Variants in ZNF804A observed in about 807,000 individuals in gnomAD.
ZNF804A encodes zinc finger protein 804A.
In ZNF804A, 2 loss-of-function variants were observed where a neutral mutation model predicts 16.5. The ratio of observed to expected loss-of-function variants is 0.12; its 90% CI spans 0.05 to 0.38. The LOEUF is 0.38. Among genes scored for constraint, ZNF804A ranks in the 10% least tolerant of loss-of-function variants. The pLI is 0.99. For synonymous variants in ZNF804A, 534 were observed against 489.6 expected, an observed-to-expected ratio of 1.09 and a Z score of -1.20; for missense variants, 1,473 against 1,390.7, an observed-to-expected ratio of 1.06 and a Z score of -0.94.
At position 184,746,511 on chromosome 2, in the gene ZNF804A, A is replaced by C. The variant is rs77539306; in HGVS notation, c.112-119858A>C. 1.3e-4 allele frequency among the ~76,000 whole-genome samples: 20 copies of C among 151,622 alleles called. No homozygotes were observed. In the East Asian group the frequency reaches 3.7e-3, roughly 28 times the overall value. ...ATAATATCAGGGTGAATGGGGTATA[A>C]ATCACTTCAAACAATTATCATTTAT... is the stretch of plus-strand genomic sequence containing the variant. On this transcript the variant is annotated intron_variant, in intron 1 of 3. Transcript: ENST00000302277.
At chr2:184,661,266 CAGCTCTTTTTCTGCTATAGTTCAACG>C (rs1393894408) in intron 1 of ZNF804A, among the ~76,000 whole-genome samples, 1 of 152,080 alleles carries the variant, frequency 6.6e-6, no homozygotes, top group Non-Finnish European at 1.5e-5. Flanking sequence ...AGGAGTGTCA[CAGCTCTTTTTCTGCTATAGTTCAACG>C]AGTAGGAAGG....
chr2:184,604,354 T>C (rs2105666615), intron 1 of ZNF804A, among the ~76,000 whole-genome samples: 1 of 151,866 alleles, frequency 6.6e-6, no homozygotes, highest in East Asian at 1.9e-4. Context: ...TTTGTATTTT[T>C]AGTAGAGACG....
intron 2 of ZNF804A, among the ~76,000 whole-genome samples, chr2:184,925,813 G>A (rs1201293462): frequency 6.6e-6 from 1 of 151,854 alleles, no homozygotes; most frequent in Non-Finnish European, 1.5e-5. Context: ...ACAAACGTGA[G>A]CAAACAAGCA....
intron 1 of ZNF804A, among the ~76,000 whole-genome samples, chr2:184,605,750 C>T (rs775964221): frequency 1.4e-4 from 22 of 152,040 alleles, no homozygotes; most frequent in South Asian, 8.3e-4. Context: ...GATATATATC[C>T]TAGGGGGATC....
chr2:184,837,188 G>A (rs760808727), intron 1 of ZNF804A, among the ~76,000 whole-genome samples: 14 of 151,744 alleles, frequency 9.2e-5, no homozygotes, highest in Non-Finnish European at 1.5e-4. Context: ...TATCTTACTA[G>A]GTCTTATGTT....
At chr2:184,666,350 T>C (rs1300661208) in intron 1 of ZNF804A, among the ~76,000 whole-genome samples, 1 of 152,068 alleles carries the variant, frequency 6.6e-6, no homozygotes, top group African/African-American at 2.4e-5. Flanking sequence ...TCAAAGCCTA[T>C]GCAGAAAAAC....
chr2:184,833,155 A>G (rs187197633), intron 1 of ZNF804A, among the ~76,000 whole-genome samples: 60 of 152,150 alleles, frequency 3.9e-4, no homozygotes, highest in African/African-American at 1.4e-3. Flanking sequence ...TATCTCAGCA[A>G]TGGGATTAAG....
intron 1 of ZNF804A, among the ~76,000 whole-genome samples, chr2:184,652,121 T>C (rs1691993964): frequency 6.6e-6 from 1 of 152,094 alleles, no homozygotes; most frequent in South Asian, 2.1e-4. Flanking sequence ...AAGAACAAAA[T>C]CAAGTTTTTT....
At chr2:184,835,174 T>TC (rs1285356995) in intron 1 of ZNF804A, among the ~76,000 whole-genome samples, 1 of 151,952 alleles carries the variant, frequency 6.6e-6, no homozygotes, top group Non-Finnish European at 1.5e-5. Context: ...GGTTCTGAAC[T>TC]CCCCCCAGGA....
intron 1 of ZNF804A, among the ~76,000 whole-genome samples, chr2:184,709,550 A>G (rs1693089673): frequency 6.6e-6 from 1 of 151,834 alleles, no homozygotes; most frequent in African/African-American, 2.4e-5. Context: ...TATTTGAAAT[A>G]TTTAAAAGTG....
At chr2:184,922,389 T>G (rs1214961687) in intron 2 of ZNF804A, among the ~76,000 whole-genome samples, 6 of 152,090 alleles carry the variant, frequency 3.9e-5, no homozygotes, top group Non-Finnish European at 8.8e-5. Context: ...GTTTGTCATT[T>G]TTATGTCTTT....
intron 1 of ZNF804A, among the ~76,000 whole-genome samples, chr2:184,606,904 TA>T (rs1336444154): frequency 6.6e-6 from 1 of 152,136 alleles, no homozygotes; most frequent in African/African-American, 2.4e-5. Context: ...TGGAGACCCT[TA>T]ACTGATACAG....
At chr2:184,859,926 A>G (rs1695770028) in intron 1 of ZNF804A, among the ~76,000 whole-genome samples, 1 of 152,182 alleles carries the variant, frequency 6.6e-6, no homozygotes, top group Non-Finnish European at 1.5e-5. Flanking sequence ...GGGGTGGGCC[A>G]TGAGCCTGAG....
At chr2:184,850,463 A>G (rs937103899) in intron 1 of ZNF804A, among the ~76,000 whole-genome samples, 1 of 151,912 alleles carries the variant, frequency 6.6e-6, no homozygotes, top group African/African-American at 2.4e-5. Flanking sequence ...GGAAGTATAG[A>G]TTATGGATTT....
chr2:184,753,170 T>C (rs893822645), intron 1 of ZNF804A, among the ~76,000 whole-genome samples: 2 of 151,690 alleles, frequency 1.3e-5, no homozygotes, highest in African/African-American at 4.8e-5. Flanking sequence ...ATTTGCCTTA[T>C]AGTTTCACAC....
chr2:184,747,936 A>G (rs1217437165), intron 1 of ZNF804A, among the ~76,000 whole-genome samples: 1 of 151,550 alleles, frequency 6.6e-6, no homozygotes, highest in East Asian at 1.9e-4. Context: ...TAATTTGCTT[A>G]GGATTATGAC....
chr2:184,836,522 G>T (rs2105798007), intron 1 of ZNF804A, among the ~76,000 whole-genome samples: 1 of 152,052 alleles, frequency 6.6e-6, no homozygotes, highest in African/African-American at 2.4e-5. Context: ...TTTTCAAACA[G>T]TATCCTCACA....
intron 1 of ZNF804A, among the ~76,000 whole-genome samples, chr2:184,797,373 A>C (rs766920988): frequency 6.6e-6 from 1 of 151,718 alleles, no homozygotes; most frequent in Non-Finnish European, 1.5e-5. Flanking sequence ...TTTTACCATT[A>C]TATATTGTTC....
chr2:184,853,353 T>A (rs997743615), intron 1 of ZNF804A, among the ~76,000 whole-genome samples: 5 of 151,952 alleles, frequency 3.3e-5, no homozygotes, highest in African/African-American at 1.2e-4. Flanking sequence ...TATCTCTATA[T>A]AAGATTATTT....
Sources: gnomAD v4.1 joint callset for allele counts (sites outside exome capture counted in the v4.1 genomes callset) on GRCh38, gnomAD v4.1.1 for gene constraint, MANE v1.5 for transcripts, NCBI Gene and HGNC (gene_info 2026-07-23, HGNC 2026-07-21) for gene names.